The following TMEM237 variants were observed in gnomAD, a reference collection of about 807,000 sequenced individuals.
TMEM237 encodes the protein transmembrane protein 237.
TMEM237 carries 51 observed loss-of-function variants against 59.1 expected under a neutral mutation model. The observed-to-expected ratio is 0.86, with a 90% CI of 0.69 to 1.09. The LOEUF (loss-of-function observed/expected upper bound fraction) is 1.09. TMEM237 is among the 50% of genes least tolerant of loss of function. TMEM237 has a pLI of 0.00. For missense variants in TMEM237, 475 were observed against 478.3 expected (o/e 0.99, Z 0.06); for synonymous variants, 140 against 166.1 (o/e 0.84, Z 1.21).
Position 201,624,282 on chromosome 2 carries a change from T to C in TMEM237, c.1200A>G (p.Lys400=). The part of the protein sequence containing the change: ...FSSEVEEYPD[K]EKEIKASS ...ATGAAGAGGCTTTGATTTCTTTCTC[T>C]TTATCAGGATATTCTTCCACCTCTG... Residue 400 remains lysine, a synonymous_variant, in exon 13 of 13, where the codon AAA becomes AAG. Coordinates refer to ENST00000409883, the MANE Select transcript of TMEM237 (RefSeq NM_001044385.3). 6.2e-7 allele frequency: 1 copy of C among 1,612,372 alleles called. No individual in the cohort carries two copies. Among genetic ancestry groups the C allele is most frequent in the South Asian group, 1.1e-5 (1 of 90,942 alleles).
rs572466787 is a variant in TMEM237, at chr2:201,643,258, T to A, written c.42+101A>T. 23 of 1,314,808 alleles carry A rather than the reference T, an allele frequency of 1.7e-5. No homozygotes were observed. In the Admixed American group the frequency reaches 3.1e-4, roughly 18 times the overall value. The allele number at this position is 1,314,808 out of a possible 1,614,324, so 81.4% of individuals were successfully genotyped here. A position where few individuals can be genotyped will look rare whatever the true frequency, so the allele number is the denominator to read the frequency against. On this transcript the variant is annotated intron_variant, in intron 1 of 12. Transcript: ENST00000409883. The surrounding 1 kb of genome is among the most constrained non-coding windows in gnomAD (Gnocchi z 4.3). Reference sequence around the variant, plus strand: ...CACGAGCAAGGCCCTCCCTTAGTGATTCCCAGCTCGTTGGCGCCCCCCCAC... The same window carrying A: ...CACGAGCAAGGCCCTCCCTTAGTGAATCCCAGCTCGTTGGCGCCCCCCCAC...
Position 201,621,903 on chromosome 2 carries a change from C to T in TMEM237, c.*2352G>A, listed in dbSNP as rs1957711708. ...CTCAAGTGTCACTGTGAGATCATTC[C>T]CTGCTTCCTGGAGACATGCATTAGC... is the stretch of plus-strand genomic sequence containing the variant. On this transcript the variant is annotated 3_prime_UTR_variant, in exon 13 of 13. Transcript: ENST00000409883. 6.6e-6 allele frequency: 1 copy of T among 152,506 alleles called. No homozygotes were observed. The highest frequency in any genetic ancestry group is 2.1e-4 in the South Asian group (1 of 4,822). The allele number at this position is 152,506 out of a possible 1,614,324, so 9.4% of individuals were successfully genotyped here.
At chr2:201,642,621 C>A (rs1416313030) in intron 1 of TMEM237, 3 of 1,609,268 alleles carry the variant, frequency 1.9e-6, no homozygotes, top group Non-Finnish European at 2.5e-6. Context: ...CAGGATTCTT[C>A]CCCATTCTGC....
rs1957788642 is a variant in TMEM237 at position 201,629,399 on chromosome 2, C to A, written c.700G>T (p.Gly234Ter). Reference sequence around the variant, plus strand: ...CACACAGCACAGCCAGCCAAGAATCCATGAGAAAAGAGACCAATCATCCTG... The same window carrying A: ...CACACAGCACAGCCAGCCAAGAATCAATGAGAAAAGAGACCAATCATCCTG... ...AFRMIGLFSH[G>*]FLAGCAVWNI... Residue 234 changes from glycine to a stop codon, truncating the protein, a stop_gained, in exon 9 of 13, where the codon GGA (glycine) becomes TGA (stop). Coordinates refer to ENST00000409883, the MANE Select transcript of TMEM237 (RefSeq NM_001044385.3). LOFTEE classifies it high-confidence loss of function. 3.2e-6 allele frequency: 5 copies of A among 1,577,590 alleles called. No individual in the cohort carries two copies. The highest frequency in any genetic ancestry group is 4.3e-6 in the Non-Finnish European group (5 of 1,168,546).
At position 201,636,762 on chromosome 2, in the gene TMEM237, G is replaced by C; in HGVS notation, c.260C>G (p.Thr87Arg). 1 of 1,575,504 alleles carries C rather than the reference G, an allele frequency of 6.3e-7. No individual in the cohort carries two copies. The highest frequency in any genetic ancestry group is 8.6e-7 in the Non-Finnish European group (1 of 1,159,356). Residue 87 changes from threonine (T) to arginine (R), a missense_variant, in exon 5 of 13, where the codon ACA (threonine) becomes AGA (arginine). Transcript: ENST00000409883. ...EAPVQRRQKK[T>R]RLPLELETSS... ...TCTTCACATACCAAGAGGTAGCCTT[G>C]TCTTTTTCTGTCTTCTTTGAACAGG... is the stretch of plus-strand genomic sequence containing the variant.
At chr2:201,630,466 T>C (rs1273462776) in intron 7 of TMEM237, among the ~76,000 whole-genome samples, 2 of 152,212 alleles carry the variant, frequency 1.3e-5, no homozygotes, top group East Asian at 3.8e-4. Context: ...CTTGTATATC[T>C]AGTAATCCAC....
intron 1 of TMEM237, chr2:201,642,897 AG>A: frequency 7.5e-7 from 1 of 1,339,654 alleles, no homozygotes; most frequent in Non-Finnish European, 9.5e-7. Flanking sequence ...CTGCAATCAC[AG>A]CTTTCCCGTG....
intron 7 of TMEM237, among the ~76,000 whole-genome samples, chr2:201,630,632 G>C (rs2105899537): frequency 6.6e-6 from 1 of 152,286 alleles, no homozygotes; most frequent in Non-Finnish European, 1.5e-5. Context: ...ACCTTTTATG[G>C]CCAGTTACTC....
rs1687289513 is a variant in TMEM237 at position 201,635,820 on chromosome 2, A to G, written c.274+928T>C. 6.6e-6 allele frequency among the ~76,000 whole-genome samples: 1 copy of G among 151,870 alleles called. No individual in the cohort carries two copies. Among genetic ancestry groups the G allele is most frequent in the South Asian group, 2.1e-4 (1 of 4,818 alleles). On this transcript the variant is annotated intron_variant, in intron 5 of 12. Coordinates refer to ENST00000409883, the MANE Select transcript of TMEM237 (RefSeq NM_001044385.3). The surrounding 1 kb of genome is among the most constrained non-coding windows in gnomAD (Gnocchi z 4.5). ...GGAAGGATTCTTTTCTAGAGACTTC[A>G]GAGGGAGCATAGTCCTGCAGACAAC...
Position 201,633,316 on chromosome 2 carries a change from C to A in TMEM237, c.390G>T (p.Lys130Asn). 3 of 1,598,150 alleles carry A rather than the reference C, an allele frequency of 1.9e-6. No homozygotes were observed. Among genetic ancestry groups the A allele is most frequent in the African/African-American group, 1.3e-5 (1 of 74,666 alleles). ...AAGAATAAATAAATTCCTACTTTGT[C>A]TTCCTCCGAGGTTTTTGAATAACTG... Reference protein sequence around the residue: ...EEAVIQKPRRKTKKTQPAELQ... With the variant: ...EEAVIQKPRRNTKKTQPAELQ... Residue 130 changes from lysine to asparagine, a missense_variant, in exon 6 of 13, where the codon AAG (lysine) becomes AAT (asparagine). Physicochemically the swap from Lys to Asn is moderately conservative, Grantham distance 94. Transcript: ENST00000409883.
At chr2:201,624,766 C>G (rs1042021471) in intron 12 of TMEM237, among the ~76,000 whole-genome samples, 2 of 152,110 alleles carry the variant, frequency 1.3e-5, no homozygotes, top group Non-Finnish European at 1.5e-5. Context: ...ATCAAAACAA[C>G]GCAAGAAGCC....
chr2:201,640,213 A>G, intron 3 of TMEM237, 48 bp downstream of exon 3: 1 of 1,499,822 alleles, frequency 6.7e-7, no homozygotes, highest in Non-Finnish European at 8.9e-7. Flanking sequence ...CAAGGAATCA[A>G]ACTAATTTTT....
At chr2:201,639,143 C>A in intron 3 of TMEM237, 98 bp from the exon 4 acceptor site, 1 of 1,131,122 alleles carries the variant, frequency 8.8e-7, no homozygotes, top group Non-Finnish European at 1.3e-6. Flanking sequence ...AATTCTCCCT[C>A]TCTTCCCTGG....
In TMEM237 at chr2:201,629,859, A is replaced by G; in HGVS notation, c.554-7T>C. The G allele has an allele frequency of 6.2e-7, 1 of 1,608,920 alleles. No homozygotes were observed. Among genetic ancestry groups the G allele is most frequent in the Non-Finnish European group, 8.5e-7 (1 of 1,178,680 alleles). On this transcript the variant is annotated splice_region_variant and splice_polypyrimidine_tract_variant and intron_variant, in intron 7 of 12. Transcript: ENST00000409883. ...TCAGCAGCCTGGAATCTCCCTAAGA[A>G]CACATAACGTAATTACTAACAACTA...
At position 201,623,436 on chromosome 2, in the gene TMEM237, AT is replaced by A. The variant is rs1233184213; in HGVS notation, c.*818del. 19 of 163,768 alleles carry A rather than the reference AT, an allele frequency of 1.2e-4. 1 individual carries two copies. The highest frequency in any genetic ancestry group is 8.8e-4 in the Admixed American group (15 of 17,034). 10.1% of individuals were successfully genotyped at this position (163,768 alleles called of 1,614,324 possible). A position where few individuals can be genotyped will look rare whatever the true frequency, so the allele number is the denominator to read the frequency against. Reference sequence around the variant, plus strand: ...AAGAGCTGGAGAACAGAGATGGTGAATTTCTACTCCTATTTCTTGTCACTCA... The same window carrying A: ...AAGAGCTGGAGAACAGAGATGGTGAATTCTACTCCTATTTCTTGTCACTCA... On this transcript the variant is annotated 3_prime_UTR_variant, in exon 13 of 13. Transcript: ENST00000409883.
rs1037943745 is a variant in TMEM237, at chr2:201,623,596, A to G, written c.*659T>C. 2.0e-5 allele frequency: 3 copies of G among 152,494 alleles called. No homozygotes were observed. The highest frequency in any genetic ancestry group is 1.3e-4 in the Admixed American group (2 of 15,318). The allele number at this position is 152,494 out of a possible 1,614,324, so 9.4% of individuals were successfully genotyped here. ...ACATAGATTTTTAAAATCTCCCTCT[A>G]TGATCCTGATGTACAACCAGATATG... On this transcript the variant is annotated 3_prime_UTR_variant, in exon 13 of 13. Transcript: ENST00000409883.
intron 6 of TMEM237, 42 bp from the exon 7 acceptor site, chr2:201,632,250 AT>A (rs745640119): frequency 6.2e-7 from 1 of 1,604,506 alleles, no homozygotes; most frequent in Non-Finnish European, 8.5e-7. Flanking sequence ...TGATTATTGA[AT>A]TTTTTACAGA....
At chr2:201,641,009 TGAGA>T (rs1687402514) in intron 1 of TMEM237, 85 bp from the exon 2 acceptor site, 3 of 1,255,622 alleles carry the variant, frequency 2.4e-6, no homozygotes, top group African/African-American at 1.5e-5. Context: ...TTTTTTTTTT[TGAGA>T]TGGTGTATTG....
At chr2:201,625,316 C>T (rs909329970) in intron 12 of TMEM237, among the ~76,000 whole-genome samples, 12 of 151,540 alleles carry the variant, frequency 7.9e-5, no homozygotes, top group African/African-American at 2.7e-4. Flanking sequence ...GAGCCCAGAT[C>T]GAGCCACTGT....
Sources: gnomAD v4.1 joint callset for allele counts (sites outside exome capture counted in the v4.1 genomes callset) on GRCh38, gnomAD v4.1.1 for gene constraint, Gnocchi (gnomAD v3.1) non-coding constraint, MANE v1.5 for transcripts, NCBI Gene and HGNC (gene_info 2026-07-23, HGNC 2026-07-21) for gene names.